The following PLA2G4E variants were observed in gnomAD, a reference collection of about 807,000 sequenced individuals.
PLA2G4E encodes phospholipase A2 group IVE.
A neutral mutation model predicts 109.1 loss-of-function variants in PLA2G4E; 84 were observed. That is an observed-to-expected ratio of 0.77 (90% confidence interval 0.65 to 0.92). PLA2G4E has a LOEUF of 0.92. Ranked by LOEUF, PLA2G4E falls within the 40% of genes least tolerant of loss-of-function variation. PLA2G4E has a pLI of 0.00. For missense variants in PLA2G4E, 1,057 were observed against 1,076.6 expected, an observed-to-expected ratio of 0.98 and a Z score of 0.25; for synonymous variants, 469 against 436.1, an observed-to-expected ratio of 1.08 and a Z score of -0.94.
chr15:42,000,355 A>T, intron 7 of PLA2G4E, 73 bp from the exon 8 acceptor site: 1 of 1,405,928 alleles, frequency 7.1e-7, no homozygotes, highest in Non-Finnish European at 9.6e-7. Flanking sequence ...CCAGCAAAAA[A>T]CCTATTTGGA....
intron 1 of PLA2G4E, among the ~76,000 whole-genome samples, chr15:42,018,126 C>T (rs915145143): frequency 2.0e-5 from 3 of 152,218 alleles, no homozygotes; most frequent in African/African-American, 4.8e-5. Flanking sequence ...GAGAAATGGC[C>T]TTCTTGGGTT....
intron 1 of PLA2G4E, among the ~76,000 whole-genome samples, chr15:42,026,706 C>T (rs147765836): frequency 1.5e-4 from 23 of 152,226 alleles, no homozygotes; most frequent in African/African-American, 5.3e-4. Context: ...GGTGTGGTAG[C>T]TCATGCCTGT....
At chr15:41,989,492 G>C (rs1336366347) in exon 15 of PLA2G4E, 1 of 1,613,980 alleles carries the variant, frequency 6.2e-7, no homozygotes, top group East Asian at 2.2e-5. Context: ...GAAGAGCTCG[G>C]AGGGGATGAA....
At chr15:42,013,800 T>C (rs1668565) in intron 1 of PLA2G4E, 43 bp from the exon 2 acceptor site, 922,828 of 1,496,386 alleles carry the variant, frequency 0.62, 286,102 homozygotes, top group East Asian at 0.82. Context: ...CAAGCATTAC[T>C]CCAAGGCCAT....
intron 1 of PLA2G4E, among the ~76,000 whole-genome samples, chr15:42,050,307 G>C (rs1428054062): frequency 6.6e-6 from 1 of 152,172 alleles, no homozygotes; most frequent in Non-Finnish European, 1.5e-5. Flanking sequence ...TTGATAAAAG[G>C]TCACCACTGT....
intron 1 of PLA2G4E, among the ~76,000 whole-genome samples, chr15:42,045,600 G>A (rs1889400678): frequency 6.6e-6 from 1 of 152,136 alleles, no homozygotes; most frequent in Non-Finnish European, 1.5e-5. Context: ...AAAGTCTCTT[G>A]GCTCCCAGGA....
In PLA2G4E at chr15:42,004,998, A is replaced by G. The variant is rs763643337; in HGVS notation, c.526-20T>C. 15 of 1,611,780 alleles carry G rather than the reference A, an allele frequency of 9.3e-6. No homozygotes were observed. Among genetic ancestry groups the G allele is most frequent in the Non-Finnish European group, 1.3e-5 (15 of 1,179,342 alleles). ...CATGCCCTGGTAGGGGAGGGAGGGAAGGCAGCTGTGAGTGGCGTCTGCACA... is the reference window on the plus strand; with the variant it reads ...CATGCCCTGGTAGGGGAGGGAGGGAGGGCAGCTGTGAGTGGCGTCTGCACA... On this transcript the variant is annotated intron_variant, in intron 4 of 19. Coordinates refer to ENST00000399518, the Ensembl canonical transcript of PLA2G4E.
intron 1 of PLA2G4E, among the ~76,000 whole-genome samples, chr15:42,034,343 T>C (rs1889170027): frequency 6.6e-6 from 1 of 152,242 alleles, no homozygotes; most frequent in African/African-American, 2.4e-5. Context: ...CTGATTTTAT[T>C]TTGGAGAATA....
At position 42,005,882 on chromosome 15, in the gene PLA2G4E, C is replaced by T. The variant is rs1031561749; in HGVS notation, c.525+108G>A. On this transcript the variant is annotated intron_variant, in intron 4 of 19. Transcript: ENST00000399518. ...AACCAGCAGCACCATCTTTTCTCAA[C>T]TTGACTGTGTACACAGAGAAGACCC... is the stretch of plus-strand genomic sequence containing the variant. The T allele has an allele frequency of 1.1e-5, 15 of 1,343,688 alleles. No homozygotes were observed. In the African/African-American group the frequency reaches 1.9e-4, roughly 17 times the overall value. The allele number at this position is 1,343,688 out of a possible 1,614,324, so 83.2% of individuals were successfully genotyped here.
intron 1 of PLA2G4E, among the ~76,000 whole-genome samples, chr15:42,031,114 T>C (rs1000712736): frequency 6.6e-6 from 1 of 152,058 alleles, no homozygotes; most frequent in African/African-American, 2.4e-5. Context: ...ACCACAGGCA[T>C]TTGCCACCAT....
chr15:42,021,451 A>G lies in PLA2G4E; in HGVS notation c.184-7694T>C, dbSNP rs144713512. On this transcript the variant is annotated intron_variant, in intron 1 of 19. Coordinates refer to ENST00000399518, the Ensembl canonical transcript of PLA2G4E. ...CGACCGTCGCTCCCAACTCCACTTC[A>G]GTTTCATGGCTTGGTACCCCAGGAG... Among the ~76,000 whole-genome samples the G allele has an allele frequency of 8.9e-3, 1,295 of 146,238 alleles. 5 individuals carry two copies. Among genetic ancestry groups the G allele is most frequent in the Middle Eastern group, 0.017 (5 of 292 alleles).
chr15:42,000,324 A>C (rs1393874809), intron 7 of PLA2G4E, 42 bp from the exon 8 acceptor site: 24 of 1,514,616 alleles, frequency 1.6e-5, no homozygotes, highest in Non-Finnish European at 2.1e-5. Context: ...GGAGCCTCTC[A>C]CTACCCACCT....
intron 1 of PLA2G4E, among the ~76,000 whole-genome samples, chr15:42,027,142 C>T (rs548718329): frequency 4.6e-5 from 7 of 152,164 alleles, no homozygotes; most frequent in South Asian, 4.2e-4. Context: ...ACGAGACGCA[C>T]GCAGAACAAC....
chr15:42,002,213 C>T (rs575216156), intron 6 of PLA2G4E, among the ~76,000 whole-genome samples: 5 of 134,798 alleles, frequency 3.7e-5, no homozygotes, highest in South Asian at 2.4e-4. Flanking sequence ...TGCAGTGATC[C>T]GAGATCGCAG....
chr15:42,047,654 C>A (rs1405305398), intron 1 of PLA2G4E, among the ~76,000 whole-genome samples: 1 of 152,186 alleles, frequency 6.6e-6, no homozygotes, highest in Non-Finnish European at 1.5e-5. Context: ...TCCACTGTTA[C>A]CCAGTGTGCA....
intron 1 of PLA2G4E, among the ~76,000 whole-genome samples, chr15:42,049,482 A>G (rs571739420): frequency 6.6e-6 from 1 of 152,276 alleles, no homozygotes; most frequent in South Asian, 2.1e-4. Context: ...CTCCCCCAGT[A>G]TGGAGGATGG....
intron 15 of PLA2G4E, among the ~76,000 whole-genome samples, chr15:41,988,491 G>A (rs1010064162): frequency 3.9e-5 from 6 of 152,134 alleles, no homozygotes; most frequent in Non-Finnish European, 8.8e-5. Flanking sequence ...AGCATTTAGG[G>A]CAGCACCTGG....
intron 1 of PLA2G4E, among the ~76,000 whole-genome samples, chr15:42,035,733 ACT>A (rs1889201586): frequency 6.6e-6 from 1 of 152,040 alleles, no homozygotes; most frequent in Admixed American, 6.5e-5. Context: ...GGGGCCTTTG[ACT>A]CTGTCACCAG....
intron 14 of PLA2G4E, 132 bp from the exon 15 acceptor site, chr15:41,989,684 A>ATGTGTCCTTTGGGGG: frequency 7.8e-7 from 1 of 1,273,906 alleles, no homozygotes; most frequent in Non-Finnish European, 1.1e-6. Context: ...CAGTTCCCCC[A>ATGTGTCCTTTGGGGG]AAGGACACAT....
Sources: allele counts gnomAD v4.1 joint callset (sites outside exome capture counted in the v4.1 genomes callset), GRCh38; gene constraint gnomAD v4.1.1; transcripts MANE v1.5; gene names NCBI Gene and HGNC (gene_info 2026-07-23, HGNC 2026-07-21).